DCAF12: variants seen among roughly 807,000 people sequenced by gnomAD.
DCAF12 encodes DDB1 and CUL4 associated factor 12.
Under a neutral mutation model 52.8 loss-of-function variants are expected in DCAF12, and 28 were observed. The observed-to-expected ratio is 0.53, with a 90% CI of 0.39 to 0.73. DCAF12 has a LOEUF of 0.73. Among genes scored for constraint, DCAF12 ranks in the 30% least tolerant of loss-of-function variants. The probability of loss-of-function intolerance (pLI) is 0.00; values close to 1 mark genes in which losing one functional copy is unlikely to be tolerated. For missense variants in DCAF12, 425 were observed against 552.2 expected, an observed-to-expected ratio of 0.77 and a Z score of 2.31; for synonymous variants, 196 against 215.5, an observed-to-expected ratio of 0.91 and a Z score of 0.79.
intron 2 of DCAF12, chr9:34,109,943 A>G (rs1828971573): frequency 4.5e-6 from 1 of 221,062 alleles, no homozygotes; most frequent in Admixed American, 4.3e-5. Flanking sequence ...ACCATGTCCA[A>G]CACCTTGGGT....
intron 7 of DCAF12, among the ~76,000 whole-genome samples, chr9:34,091,639 C>CAA (rs34922785): frequency 0.049 from 3,869 of 79,060 alleles, 197 homozygotes; most frequent in Middle Eastern, 0.14. Flanking sequence ...ACCCTGTCTT[C>CAA]AAAAAAAAAA....
chr9:34,094,822 A>C (rs534456294), intron 6 of DCAF12, among the ~76,000 whole-genome samples: 1 of 151,248 alleles, frequency 6.6e-6, no homozygotes, highest in South Asian at 2.1e-4. Context: ...GAGCCACCGC[A>C]CCCGGCCCCG....
chr9:34,103,712 G>A (rs767592063), intron 4 of DCAF12, among the ~76,000 whole-genome samples: 1 of 151,764 alleles, frequency 6.6e-6, no homozygotes, highest in African/African-American at 2.4e-5. Flanking sequence ...ATAATTAACC[G>A]GGTGTGGTGG....
At chr9:34,100,198 CTT>C (rs35820744) in intron 4 of DCAF12, among the ~76,000 whole-genome samples, 5 of 117,752 alleles carry the variant, frequency 4.2e-5, no homozygotes, top group Non-Finnish European at 5.3e-5. Flanking sequence ...CCATGACTGG[CTT>C]TTTTTTTTTT....
chr9:34,121,461 G>A (rs1000442007), intron 2 of DCAF12, among the ~76,000 whole-genome samples: 14 of 152,110 alleles, frequency 9.2e-5, no homozygotes, highest in Non-Finnish European at 1.9e-4. Flanking sequence ...GGTTCTCCTA[G>A]GTACAACAAG....
chr9:34,126,266 C>A, intron 1 of DCAF12, 88 bp downstream of exon 1: 1 of 1,516,552 alleles, frequency 6.6e-7, no homozygotes, highest in Non-Finnish European at 9.0e-7. Context: ...AGACCCTGGA[C>A]CCCGATTCCC....
chr9:34,112,058 G>A lies in DCAF12; in HGVS notation c.334-4493C>T, dbSNP rs536693929. ...CTCGGGAGGCTGAGACAGGAGAATT[G>A]CTTAAACTCAGGAGGTGGAGGTTGC... On this transcript the variant is annotated intron_variant, in intron 2 of 8. Coordinates refer to ENST00000361264, the MANE Select transcript of DCAF12 (RefSeq NM_015397.4). 1.3e-4 allele frequency among the ~76,000 whole-genome samples: 20 copies of A among 151,580 alleles called. No homozygotes were observed. The South Asian group carries it at 4.2e-3, about 32-fold the overall frequency.
At chr9:34,096,207 AC>A (rs1828732305) in intron 6 of DCAF12, 1 of 152,276 alleles carries the variant, frequency 6.6e-6, no homozygotes, top group African/African-American at 2.4e-5. Flanking sequence ...AATTAAAAAA[AC>A]AAAACAAAAC....
chr9:34,106,033 C>T (rs146934053), intron 4 of DCAF12, among the ~76,000 whole-genome samples: 13,769 of 151,046 alleles, frequency 0.091, 903 homozygotes, highest in Non-Finnish European at 0.13. Flanking sequence ...CAGGTGTGAG[C>T]CACCACACCC....
At chr9:34,114,957 A>C (rs886298258) in intron 2 of DCAF12, among the ~76,000 whole-genome samples, 1 of 152,018 alleles carries the variant, frequency 6.6e-6, no homozygotes, top group African/African-American at 2.4e-5. Context: ...ACAGAGCAAG[A>C]CCTTGCCTCT....
intron 2 of DCAF12, among the ~76,000 whole-genome samples, chr9:34,108,793 C>CA (rs1234542589): frequency 0.062 from 5,041 of 80,980 alleles, 147 homozygotes; most frequent in Admixed American, 0.079. Context: ...GACTTGGTCT[C>CA]AAAAAAAATA....
chr9:34,125,837 C>T (rs1414653546), intron 1 of DCAF12: 1 of 286,956 alleles, frequency 3.5e-6, no homozygotes, highest in Non-Finnish European at 7.1e-6. Flanking sequence ...ATATCTATGT[C>T]CAAGAAGGCC....
intron 8 of DCAF12, among the ~76,000 whole-genome samples, chr9:34,089,110 CAAAAAAAAAA>C (rs771038838): frequency 2.2e-5 from 2 of 92,476 alleles, no homozygotes; most frequent in South Asian, 3.6e-4. Flanking sequence ...GACCCTGTCT[CAAAAAAAAAA>C]AAAAAAAAAA....
Position 34,096,802 on chromosome 9 carries a change from AGG to A in DCAF12, c.796-23_796-22del. The A allele has an allele frequency of 1.9e-6, 3 of 1,609,566 alleles. No homozygotes were observed. In the Middle Eastern group the frequency reaches 5.0e-4, roughly 266 times the overall value. ...AGTTCCTACAAGAGCAATGAAAACC[AGG>A]TTATATTATCATCTATAGCAACTAA... On this transcript the variant is annotated intron_variant, in intron 5 of 8. Coordinates refer to ENST00000361264, the MANE Select transcript of DCAF12 (RefSeq NM_015397.4).
rs1359080096 is a variant in DCAF12 at position 34,117,699 on chromosome 9, G to T, written c.333+7324C>A. ...GGAGGCCCAGGCGGGAGGATCACCTGAGGTTGGGATTTCGAGACCAGCCTC... is the reference window on the plus strand; with the variant it reads ...GGAGGCCCAGGCGGGAGGATCACCTTAGGTTGGGATTTCGAGACCAGCCTC... On this transcript the variant is annotated intron_variant, in intron 2 of 8. Transcript: ENST00000361264. 2.0e-5 allele frequency among the ~76,000 whole-genome samples: 3 copies of T among 152,256 alleles called. No individual in the cohort carries two copies. In the East Asian group the frequency reaches 5.8e-4, roughly 29 times the overall value.
chr9:34,107,552 T>A lies in DCAF12; in HGVS notation c.347A>T (p.Asp116Val), dbSNP rs1285438526. The stretch of plus-strand genomic sequence containing the variant: ...CTTGGTGATCTGGCTTGTCTGGACA[T>A]CTACGACAAATAGCTACAAGAAAAA... ...GTKCNTLFVV[D>V]VQTSQITKIP... The change falls in exon 3 of 9, where the codon GAT becomes GTT. Residue 116 changes from aspartate (D) to valine (V), a missense_variant. Around this residue, in one of 3 missense-constraint regions of DCAF12, gnomAD observed 328 missense variants for 444.4 expected, o/e 0.74. Coordinates refer to ENST00000361264, the MANE Select transcript of DCAF12 (RefSeq NM_015397.4). 1.2e-6 allele frequency: 2 copies of A among 1,613,952 alleles called. No homozygotes were observed. Among genetic ancestry groups the A allele is most frequent in the African/African-American group, 2.7e-5 (2 of 74,898 alleles).
chr9:34,094,765 T>C (rs559869865), intron 6 of DCAF12, among the ~76,000 whole-genome samples: 2 of 151,612 alleles, frequency 1.3e-5, no homozygotes, highest in Admixed American at 6.6e-5. Flanking sequence ...CTCCTGACCT[T>C]GCGATCCGCC....
chr9:34,089,517 G>A lies in DCAF12; in HGVS notation c.1098C>T (p.Asp366=), dbSNP rs201649141. The part of the protein sequence containing the change: ...GTGQGSLLFY[D]IRAQRFLEER... ...CTTCCAGAAATCTCTGAGCTCGGAT[G>A]TCATAGAACAGCAGGGAGCCCTGCC... The change falls in exon 8 of 9, where the codon GAC becomes GAT. Residue 366 remains aspartate (D), a synonymous_variant. Transcript: ENST00000361264. 6.2e-7 allele frequency: 1 copy of A among 1,614,160 alleles called. No homozygotes were observed. Among genetic ancestry groups the A allele is most frequent in the Non-Finnish European group, 8.5e-7 (1 of 1,180,026 alleles).
chr9:34,113,261 A>G (rs1829033464), intron 2 of DCAF12, among the ~76,000 whole-genome samples: 1 of 152,168 alleles, frequency 6.6e-6, no homozygotes, highest in Non-Finnish European at 1.5e-5. Context: ...TATGTTGGCC[A>G]GGCTGGTCTC....
Sources: gnomAD v4.1 joint callset for allele counts (sites outside exome capture counted in the v4.1 genomes callset) on GRCh38, gnomAD v4.1.1 for gene constraint, gnomAD v4.1.1 regional missense constraint, MANE v1.5 for transcripts, NCBI Gene and HGNC (gene_info 2026-07-23, HGNC 2026-07-21) for gene names.